TDRD3: variants seen among roughly 807,000 people sequenced by gnomAD.
The protein encoded by TDRD3 is tudor domain containing 3, also known as tudor domain-containing protein 3.
Under a neutral mutation model 86.7 loss-of-function variants are expected in TDRD3, and 45 were observed. That is an observed-to-expected ratio of 0.52 (90% CI 0.41 to 0.67). TDRD3 has a LOEUF of 0.67. TDRD3 is among the 30% of genes least tolerant of loss of function. The pLI is 0.00. For synonymous variants in TDRD3, 298 were observed against 301.7 expected (o/e 0.99, Z 0.13); for missense variants, 814 against 889.0 (o/e 0.92, Z 1.07).
At chr13:60,437,126 T>TTTTC (rs1471030998) in intron 1 of TDRD3, among the ~76,000 whole-genome samples, 1 of 145,212 alleles carries the variant, frequency 6.9e-6, no homozygotes, top group Non-Finnish European at 1.5e-5. Flanking sequence ...TTAAACTTTT[T>TTTTC]TTTTTTTTTT....
chr13:60,563,285 T>C (rs1415998427), intron 12 of TDRD3, among the ~76,000 whole-genome samples: 1 of 150,798 alleles, frequency 6.6e-6, no homozygotes, highest in African/African-American at 2.4e-5. Context: ...AACATATTGC[T>C]GGAGCTGAGG....
chr13:60,397,712 C>A (rs1342879006), intron 1 of TDRD3, among the ~76,000 whole-genome samples: 2 of 150,578 alleles, frequency 1.3e-5, no homozygotes, highest in Admixed American at 6.6e-5. Context: ...GCGGCCCAGA[C>A]CCCGGCCGAC....
chr13:60,546,811 T>A (rs922869013), intron 12 of TDRD3, among the ~76,000 whole-genome samples: 4 of 152,178 alleles, frequency 2.6e-5, no homozygotes, highest in African/African-American at 9.6e-5. Flanking sequence ...TTACACTCTT[T>A]TATACAAGAG....
chr13:60,419,724 A>G (rs1459096581), intron 1 of TDRD3, among the ~76,000 whole-genome samples: 3 of 152,142 alleles, frequency 2.0e-5, no homozygotes, highest in Admixed American at 6.5e-5. Flanking sequence ...AGATGCAGCA[A>G]ACCACCATGG....
At chr13:60,478,983 A>G (rs548635865) in intron 5 of TDRD3, among the ~76,000 whole-genome samples, 90 of 149,838 alleles carry the variant, frequency 6.0e-4, no homozygotes, top group Admixed American at 1.8e-3. Flanking sequence ...TTTTTTTTGT[A>G]TTTTTAGTAG....
chr13:60,524,915 C>T (rs1319174831), intron 10 of TDRD3, among the ~76,000 whole-genome samples: 2 of 151,270 alleles, frequency 1.3e-5, no homozygotes, highest in South Asian at 2.1e-4. Flanking sequence ...TGGCCAACCC[C>T]GTCTCTACTA....
chr13:60,466,846 G>A (rs1020419885), intron 4 of TDRD3, among the ~76,000 whole-genome samples: 12 of 151,940 alleles, frequency 7.9e-5, no homozygotes, highest in African/African-American at 2.9e-4. Flanking sequence ...CTCTCTGGTG[G>A]TCTATTCATA....
At chr13:60,491,272 G>A (rs1020833842) in intron 7 of TDRD3, among the ~76,000 whole-genome samples, 2 of 152,094 alleles carry the variant, frequency 1.3e-5, no homozygotes, top group Admixed American at 6.6e-5. Flanking sequence ...TGAATATTGA[G>A]GTACTTATCA....
chr13:60,528,703 A>G lies in TDRD3; in HGVS notation c.1478A>G (p.Asp493Gly). The G allele has an allele frequency of 6.2e-7, 1 of 1,612,348 alleles. No homozygotes were observed. Among genetic ancestry groups the G allele is most frequent in the Non-Finnish European group, 8.5e-7 (1 of 1,179,470 alleles). ...TATCCTTTAGGTTCTCAGCATAGTG[A>G]TGGTGCTTTTAAAAAAAGAGATAAC... ...TSYPLGSQHS[D>G]GAFKKRDNSM... The change falls in exon 11 of 14, where the codon GAT (aspartate) becomes GGT (glycine). Residue 493 changes from aspartate (D) to glycine (G), a missense_variant. Asp to Gly is a moderately conservative substitution (Grantham distance 94). Transcript: ENST00000377881.
At chr13:60,405,715 G>A (rs1566167894) in intron 1 of TDRD3, among the ~76,000 whole-genome samples, 1 of 152,178 alleles carries the variant, frequency 6.6e-6, no homozygotes, top group Non-Finnish European at 1.5e-5. Flanking sequence ...GACCTTGTTG[G>A]CCATGTTAGG....
intron 10 of TDRD3, among the ~76,000 whole-genome samples, chr13:60,520,547 A>G (rs1375623980): frequency 1.3e-5 from 2 of 151,188 alleles, no homozygotes; most frequent in African/African-American, 4.9e-5. Context: ...TGTACTCCCC[A>G]CTCCTCCTAG....
At chr13:60,423,550 C>T (rs1420810901) in intron 1 of TDRD3, among the ~76,000 whole-genome samples, 1 of 152,118 alleles carries the variant, frequency 6.6e-6, no homozygotes, top group Non-Finnish European at 1.5e-5. Context: ...ATAAGGAAAA[C>T]ATTAATAACT....
intron 2 of TDRD3, among the ~76,000 whole-genome samples, chr13:60,442,418 C>T (rs144810999): frequency 0.015 from 2,238 of 150,936 alleles, 34 homozygotes; most frequent in Non-Finnish European, 0.02. Flanking sequence ...TGTATGTGTG[C>T]GTGGGTAGGT....
intron 12 of TDRD3, among the ~76,000 whole-genome samples, chr13:60,564,179 TGAAGA>T (rs1958398777): frequency 6.6e-6 from 1 of 152,136 alleles, no homozygotes; most frequent in Admixed American, 6.5e-5. Flanking sequence ...TTTTAATATT[TGAAGA>T]GATTTATTCT....
At position 60,494,428 on chromosome 13, in the gene TDRD3, T is replaced by C. The variant is rs184764034; in HGVS notation, c.718-7T>C. The C allele has an allele frequency of 2.4e-4, 386 of 1,610,754 alleles. 3 individuals are homozygous for C. In the African/African-American group the frequency reaches 4.5e-3, roughly 19 times the overall value. ...ATACCTCTCTTTTATCTTTCTCTTA[T>C]GTAAAGACCAAGACATTTGGAGGAG... On this transcript the variant is annotated splice_region_variant and splice_polypyrimidine_tract_variant and intron_variant, in intron 7 of 13. Coordinates refer to ENST00000377881, the MANE Select transcript of TDRD3 (RefSeq NM_001146070.2).
At chr13:60,532,283 A>G (rs1957599794) in intron 11 of TDRD3, among the ~76,000 whole-genome samples, 1 of 152,206 alleles carries the variant, frequency 6.6e-6, no homozygotes, top group Non-Finnish European at 1.5e-5. Flanking sequence ...GGGTAACTGA[A>G]TGATCTTCTA....
chr13:60,540,441 T>C (rs781495038), intron 12 of TDRD3, among the ~76,000 whole-genome samples: 14 of 152,192 alleles, frequency 9.2e-5, no homozygotes, highest in Non-Finnish European at 1.6e-4. Flanking sequence ...TTGCGGATTA[T>C]ACAAAAACAC....
chr13:60,417,735 C>T (rs1954560303), intron 1 of TDRD3, among the ~76,000 whole-genome samples: 2 of 152,106 alleles, frequency 1.3e-5, no homozygotes, highest in Admixed American at 6.5e-5. Flanking sequence ...CTGCACAATT[C>T]GAACTAGGTA....
intron 3 of TDRD3, among the ~76,000 whole-genome samples, chr13:60,451,098 A>G (rs933456157): frequency 2.0e-5 from 3 of 152,224 alleles, no homozygotes; most frequent in African/African-American, 7.2e-5. Flanking sequence ...GAAGATAAGT[A>G]TAGTGGATAT....
Sources: gnomAD v4.1 joint callset for allele counts (sites outside exome capture counted in the v4.1 genomes callset) on GRCh38, gnomAD v4.1.1 for gene constraint, MANE v1.5 for transcripts, NCBI Gene and HGNC (gene_info 2026-07-23, HGNC 2026-07-21) for gene names.